DDX10: variants seen among roughly 807,000 people sequenced by gnomAD.
DDX10 encodes the protein DEAD-box helicase 10, also known as probable ATP-dependent RNA helicase DDX10.
A neutral mutation model predicts 104.3 loss-of-function variants in DDX10; 74 were observed. The observed-to-expected ratio is 0.71, with a 90% confidence interval of 0.59 to 0.86. The LOEUF is 0.86. DDX10 is among the 40% of genes least tolerant of loss of function. The pLI is 0.00. For synonymous variants in DDX10, 351 were observed against 353.4 expected (o/e 0.99, Z 0.08); for missense variants, 952 against 1,040.0 (o/e 0.92, Z 1.16).
intron 13 of DDX10, among the ~76,000 whole-genome samples, chr11:108,806,503 A>G (rs1410872828): frequency 6.6e-6 from 1 of 152,204 alleles, no homozygotes; most frequent in East Asian, 1.9e-4. Context: ...CCAGAGAATG[A>G]CAGTAATCCA....
intron 16 of DDX10, among the ~76,000 whole-genome samples, chr11:108,879,179 T>A (rs1331695960): frequency 6.6e-6 from 1 of 152,064 alleles, no homozygotes; most frequent in African/African-American, 2.4e-5. Context: ...TTTTTTGTAA[T>A]TTAGTAGAGA....
At chr11:108,693,670 G>C in intron 9 of DDX10, 70 bp downstream of exon 9, 1 of 1,218,650 alleles carries the variant, frequency 8.2e-7, no homozygotes, top group South Asian at 1.2e-5. Flanking sequence ...TCCAACTGCA[G>C]ATAAACGAAG....
chr11:108,772,766 C>T (rs768045190), intron 13 of DDX10, among the ~76,000 whole-genome samples: 8 of 152,144 alleles, frequency 5.3e-5, no homozygotes, highest in Non-Finnish European at 8.8e-5. Context: ...TTCTCATAGG[C>T]GCTCGATCCC....
intron 5 of DDX10, among the ~76,000 whole-genome samples, chr11:108,678,657 G>T (rs2094229733): frequency 6.6e-6 from 1 of 152,036 alleles, no homozygotes; most frequent in South Asian, 2.1e-4. Context: ...GTGAAATTAG[G>T]CACGTTAGTA....
intron 16 of DDX10, among the ~76,000 whole-genome samples, chr11:108,894,949 T>G (rs1863421681): frequency 6.6e-6 from 1 of 151,970 alleles, no homozygotes; most frequent in Admixed American, 6.6e-5. Flanking sequence ...GGTAGAAACT[T>G]TTGTAGGAAA....
In DDX10 at chr11:108,757,710, C is replaced by T. The variant is rs188702260; in HGVS notation, c.1965+34248C>T. On this transcript the variant is annotated intron_variant, in intron 13 of 17. Transcript: ENST00000322536. The stretch of plus-strand genomic sequence containing the variant: ...CTTGAAAACTTTTTTCCCTCTGACC[C>T]TAATTTCTTAACCTTCTGACCCTTA... Among the ~76,000 whole-genome samples the T allele has an allele frequency of 7.0e-4, 107 of 152,138 alleles. 1 individual carries two copies. The South Asian group carries it at 0.012, about 17-fold the overall frequency.
intron 13 of DDX10, among the ~76,000 whole-genome samples, chr11:108,723,968 T>C (rs2094302075): frequency 1.3e-5 from 2 of 152,182 alleles, no homozygotes; most frequent in Admixed American, 1.3e-4. Context: ...TGAAAAGTTT[T>C]CCTGTAAATC....
At chr11:108,820,271 A>G (rs1213740782) in intron 13 of DDX10, among the ~76,000 whole-genome samples, 1 of 152,172 alleles carries the variant, frequency 6.6e-6, no homozygotes, top group East Asian at 1.9e-4. Flanking sequence ...TCCCATCTGG[A>G]TTGGCACTTG....
At chr11:108,900,051 G>T (rs548176216) in intron 16 of DDX10, among the ~76,000 whole-genome samples, 2 of 152,150 alleles carry the variant, frequency 1.3e-5, no homozygotes, top group African/African-American at 4.8e-5. Context: ...GGCGGAGGTT[G>T]CAGTGAGCTT....
rs2134516743 is a variant in DDX10, at chr11:108,762,089, G to A, written c.1965+38627G>A. On this transcript the variant is annotated intron_variant, in intron 13 of 17. Coordinates refer to ENST00000322536, the MANE Select transcript of DDX10 (RefSeq NM_004398.4). ...TGTGATCTAATAGCTGACAGGAGGAGGTTGAACTAGATCTCTTAACTCCCT... is the reference window on the plus strand; with the variant it reads ...TGTGATCTAATAGCTGACAGGAGGAAGTTGAACTAGATCTCTTAACTCCCT... Among the ~76,000 whole-genome samples, 4 of 152,166 alleles carry A rather than the reference G, an allele frequency of 2.6e-5. 1 individual carries two copies. Among genetic ancestry groups the A allele is most frequent in the Middle Eastern group, 3.4e-3 (1 of 294 alleles).
Position 108,773,492 on chromosome 11 carries a change from T to C in DDX10, c.1965+50030T>C, listed in dbSNP as rs550221986. 4.8e-3 allele frequency among the ~76,000 whole-genome samples: 730 copies of C among 152,324 alleles called. 3 individuals carry two copies. Among genetic ancestry groups the C allele is most frequent in the Non-Finnish European group, 7.8e-3 (528 of 68,024 alleles). On this transcript the variant is annotated intron_variant, in intron 13 of 17. Transcript: ENST00000322536. ...ATTGTTCTATTCTTCTACCAAATGA[T>C]GTCTAGGAGATCCATGAGCCTTTTC... is the stretch of plus-strand genomic sequence containing the variant.
chr11:108,866,704 G>A (rs1863012025), intron 16 of DDX10, among the ~76,000 whole-genome samples: 2 of 152,120 alleles, frequency 1.3e-5, no homozygotes, highest in Admixed American at 6.5e-5. Context: ...ACCATATACT[G>A]TGCTAAGGCA....
intron 15 of DDX10, among the ~76,000 whole-genome samples, chr11:108,845,693 C>G (rs2134599959): frequency 6.6e-6 from 1 of 152,206 alleles, no homozygotes; most frequent in South Asian, 2.1e-4. Flanking sequence ...CTATCACATG[C>G]TTCTGTATTT....
intron 16 of DDX10, among the ~76,000 whole-genome samples, chr11:108,916,107 G>A (rs1266559308): frequency 6.6e-6 from 1 of 151,790 alleles, no homozygotes; most frequent in African/African-American, 2.4e-5. Context: ...GTTAACAAAA[G>A]CTCTTTGGCA....
intron 6 of DDX10, among the ~76,000 whole-genome samples, chr11:108,688,300 A>G (rs1489444917): frequency 6.6e-6 from 1 of 152,228 alleles, no homozygotes; most frequent in East Asian, 1.9e-4. Context: ...AATTTCAAAC[A>G]TATGGTACAT....
intron 13 of DDX10, among the ~76,000 whole-genome samples, chr11:108,794,144 T>C (rs907076295): frequency 3.9e-5 from 6 of 152,322 alleles, no homozygotes; most frequent in African/African-American, 1.4e-4. Flanking sequence ...CAATAAACAC[T>C]GGAGTGCACA....
At chr11:108,833,228 C>T (rs2615728) in intron 13 of DDX10, among the ~76,000 whole-genome samples, 18,560 of 152,188 alleles carry the variant, frequency 0.12, 1,549 homozygotes, top group East Asian at 0.27. Context: ...AGTTCCTTGA[C>T]ATGCTCTTCT....
chr11:108,884,268 T>A (rs1356757463), intron 16 of DDX10, among the ~76,000 whole-genome samples: 3 of 152,212 alleles, frequency 2.0e-5, no homozygotes, highest in African/African-American at 7.2e-5. Flanking sequence ...ATGCCATCAT[T>A]ACTCACCAGG....
chr11:108,779,495 A>G (rs188521811), intron 13 of DDX10, among the ~76,000 whole-genome samples: 119 of 150,544 alleles, frequency 7.9e-4, no homozygotes, highest in African/African-American at 2.8e-3. Flanking sequence ...ATGAGAACAC[A>G]TGGACACAGG....
Sources: gnomAD v4.1 joint callset for allele counts (sites outside exome capture counted in the v4.1 genomes callset) on GRCh38, gnomAD v4.1.1 for gene constraint, MANE v1.5 for transcripts, NCBI Gene and HGNC (gene_info 2026-07-23, HGNC 2026-07-21) for gene names.